TMEM260: variants seen among roughly 807,000 people sequenced by gnomAD.
The protein encoded by TMEM260 is protein O-mannosyl-transferase TMEM260.
A neutral mutation model predicts 88.9 loss-of-function variants in TMEM260; 82 were observed. The observed-to-expected ratio is 0.92, with a 90% CI of 0.77 to 1.11. TMEM260 has a LOEUF of 1.11. Ranked by LOEUF, TMEM260 falls within the 50% of genes least tolerant of loss-of-function variation. TMEM260 has a pLI of 0.00. For synonymous variants in TMEM260, 314 were observed against 309.3 expected, an observed-to-expected ratio of 1.02 and a Z score of -0.16; for missense variants, 902 against 853.4, an observed-to-expected ratio of 1.06 and a Z score of -0.71.
chr14:56,647,469 A>G lies in TMEM260; in HGVS notation c.2096A>G (p.Gln699Arg), dbSNP rs539790489. ...GALKHLRKEL[Q>R]SLRNRKNV ...CTAAAGCACCTAAGAAAAGAACTGC[A>G]AAGTCTGAGAAATAGGAAAAATGTC... The change falls in exon 16 of 16, where the codon CAA (glutamine) becomes CGA (arginine). Residue 699 changes from glutamine to arginine, a missense_variant. Gln to Arg is a conservative substitution (Grantham distance 43). Transcript: ENST00000261556. 51 of 1,602,106 alleles carry G rather than the reference A, an allele frequency of 3.2e-5. No homozygotes were observed. Among genetic ancestry groups the G allele is most frequent in the South Asian group, 2.0e-4 (18 of 88,410 alleles).
chr14:56,650,957 G>C (rs536400613), downstream of TMEM260, among the ~76,000 whole-genome samples: 35 of 152,252 alleles, frequency 2.3e-4, no homozygotes, highest in African/African-American at 7.7e-4. Flanking sequence ...TTAGAATTCT[G>C]TTCTAACTGG....
chr14:56,614,891 C>A (rs1378176455), intron 7 of TMEM260, among the ~76,000 whole-genome samples: 1 of 152,188 alleles, frequency 6.6e-6, no homozygotes, highest in South Asian at 2.1e-4. Context: ...AGAAGCTAAT[C>A]ATCTACCCTT....
chr14:56,618,548 C>T (rs369130953), intron 9 of TMEM260, 46 bp from the exon 10 acceptor site: 159 of 1,574,110 alleles, frequency 1.0e-4, no homozygotes, highest in Non-Finnish European at 1.3e-4. Flanking sequence ...TGATTGATAG[C>T]ATTAAATAGT....
chr14:56,642,112 T>C (rs10140372), intron 15 of TMEM260, among the ~76,000 whole-genome samples: 12,311 of 152,100 alleles, frequency 0.081, 1,151 homozygotes, highest in African/African-American at 0.23. Context: ...GACAGAAAGT[T>C]AACAAAGATA....
downstream of TMEM260, among the ~76,000 whole-genome samples, chr14:56,655,561 G>A (rs1382355921): frequency 6.6e-6 from 1 of 152,036 alleles, no homozygotes; most frequent in Admixed American, 6.6e-5. Flanking sequence ...CTTTTACTAG[G>A]ACAAAACTTT....
intron 6 of TMEM260, among the ~76,000 whole-genome samples, chr14:56,611,775 CAT>C (rs1329682445): frequency 6.6e-6 from 1 of 152,058 alleles, no homozygotes; most frequent in Non-Finnish European, 1.5e-5. Context: ...ATAGAAAAGA[CAT>C]AGAATCAACC....
the TMEM260 span, among the ~76,000 whole-genome samples, chr14:56,659,400 G>A: frequency 2.0e-5 from 3 of 152,006 alleles, no homozygotes. Context: ...GTGCACCAAT[G>A]ATCAAAGAGA....
intron 1 of TMEM260, among the ~76,000 whole-genome samples, chr14:56,582,909 TTGA>T (rs1426789361): frequency 2.0e-5 from 3 of 148,880 alleles, no homozygotes; most frequent in Non-Finnish European, 1.5e-5. Flanking sequence ...TTGATAAGAA[TTGA>T]TGAAAGTTTG....
At chr14:56,643,307 C>G (rs1476815991) in intron 15 of TMEM260, among the ~76,000 whole-genome samples, 1 of 152,164 alleles carries the variant, frequency 6.6e-6, no homozygotes, top group Non-Finnish European at 1.5e-5. Context: ...AAAGCTTATC[C>G]ACCATGATCA....
intron 3 of TMEM260, among the ~76,000 whole-genome samples, chr14:56,599,048 G>T (rs967664165): frequency 1.3e-5 from 2 of 152,010 alleles, no homozygotes; most frequent in South Asian, 4.1e-4. Flanking sequence ...TCACTCCCTG[G>T]TATGACTTTA....
At position 56,580,374 on chromosome 14, in the gene TMEM260, A is replaced by C. The variant is rs934006251; in HGVS notation, c.160+300A>C. 5.9e-5 allele frequency among the ~76,000 whole-genome samples: 9 copies of C among 152,164 alleles called. No individual in the cohort carries two copies. The East Asian group carries it at 1.5e-3, about 26-fold the overall frequency. On this transcript the variant is annotated intron_variant, in intron 1 of 15. Transcript: ENST00000261556. ...ATCCTGGTCCTGAGTATTTACTTTCAGTCTTTTTTAGTCCACAGATATTAT... is the reference window on the plus strand; with the variant it reads ...ATCCTGGTCCTGAGTATTTACTTTCCGTCTTTTTTAGTCCACAGATATTAT...
chr14:56,625,721 T>G (rs7159926), intron 12 of TMEM260, among the ~76,000 whole-genome samples, 191 bp downstream of exon 12: 59,025 of 151,946 alleles, frequency 0.39, 12,005 homozygotes, highest in Admixed American at 0.52. Context: ...TGTTATTGTT[T>G]TGGATAAAGG....
At chr14:56,635,596 C>T (rs1382745102) in intron 14 of TMEM260, among the ~76,000 whole-genome samples, 1 of 152,142 alleles carries the variant, frequency 6.6e-6, no homozygotes, top group Non-Finnish European at 1.5e-5. Flanking sequence ...TGGTTCCTGT[C>T]ATTGTTTTGT....
chr14:56,603,358 A>G (rs74052063), intron 3 of TMEM260, among the ~76,000 whole-genome samples: 4,355 of 152,278 alleles, frequency 0.029, 232 homozygotes, highest in African/African-American at 0.1. Flanking sequence ...ATGAAAATAG[A>G]AGGTACCTAG....
chr14:56,611,927 T>C (rs776781233), intron 6 of TMEM260, among the ~76,000 whole-genome samples: 116 of 152,160 alleles, frequency 7.6e-4, no homozygotes, highest in Non-Finnish European at 8.2e-4. Context: ...CCACATGTTC[T>C]CATTTATAAG....
intron 11 of TMEM260, among the ~76,000 whole-genome samples, chr14:56,622,811 A>C (rs543041055): frequency 1.3e-5 from 2 of 152,338 alleles, no homozygotes; most frequent in East Asian, 3.9e-4. Flanking sequence ...GAATAATTAT[A>C]ATTTTTGGAG....
intron 3 of TMEM260, among the ~76,000 whole-genome samples, chr14:56,597,749 T>C (rs1425277232): frequency 6.6e-6 from 1 of 151,938 alleles, no homozygotes; most frequent in African/African-American, 2.4e-5. Flanking sequence ...ATGGTGGTGG[T>C]ATGGATGGAG....
At chr14:56,657,513 C>T in the TMEM260 span, among the ~76,000 whole-genome samples, 7 of 152,076 alleles carry the variant, frequency 4.6e-5, no homozygotes, top group South Asian at 2.1e-4. Context: ...CTGAATACGA[C>T]GTTTTCAGAG....
At chr14:56,582,944 A>G (rs1481831392) in intron 1 of TMEM260, among the ~76,000 whole-genome samples, 3 of 152,178 alleles carry the variant, frequency 2.0e-5, no homozygotes, top group Non-Finnish European at 4.4e-5. Flanking sequence ...ATTTATCTTT[A>G]TAGCAGCAGA....
Sources: allele counts gnomAD v4.1 joint callset (sites outside exome capture counted in the v4.1 genomes callset), GRCh38; gene constraint gnomAD v4.1.1; transcripts MANE v1.5; gene names NCBI Gene and HGNC (gene_info 2026-07-23, HGNC 2026-07-21).